Variants in DCC observed in about 807,000 individuals in gnomAD.
DCC encodes the protein netrin receptor DCC.
DCC carries 58 observed loss-of-function variants against 172.5 expected under a neutral mutation model. The ratio of observed to expected loss-of-function variants is 0.34; its 90% CI spans 0.27 to 0.42. The LOEUF (loss-of-function observed/expected upper bound fraction) is 0.42. Among genes scored for constraint, DCC ranks in the 10% least tolerant of loss-of-function variants. DCC has a pLI of 1.00. For synonymous variants in DCC, 709 were observed against 644.5 expected, an observed-to-expected ratio of 1.10 and a Z score of -1.52; for missense variants, 1,740 against 1,791.0, an observed-to-expected ratio of 0.97 and a Z score of 0.51.
chr18:53,306,959 A>C (rs2057207248), intron 13 of DCC, among the ~76,000 whole-genome samples: 1 of 152,230 alleles, frequency 6.6e-6, no homozygotes, highest in Non-Finnish European at 1.5e-5. Context: ...GCAAGTGAGA[A>C]AAAAGAAAGT....
At chr18:52,350,583 G>T (rs1984076905) in intron 1 of DCC, among the ~76,000 whole-genome samples, 1 of 152,124 alleles carries the variant, frequency 6.6e-6, no homozygotes, top group Non-Finnish European at 1.5e-5. Flanking sequence ...GCTGATGGAT[G>T]CAGCAAACCA....
chr18:53,190,780 A>C (rs574604174), intron 9 of DCC, among the ~76,000 whole-genome samples: 3 of 152,080 alleles, frequency 2.0e-5, no homozygotes, highest in Non-Finnish European at 2.9e-5. Context: ...CCCCTTCTCT[A>C]CTAAAAATAC....
intron 7 of DCC, among the ~76,000 whole-genome samples, chr18:53,154,623 G>A (rs1295971368): frequency 6.6e-6 from 1 of 152,170 alleles, no homozygotes; most frequent in Non-Finnish European, 1.5e-5. Flanking sequence ...GTGCAATGGT[G>A]TCAATGGAAG....
chr18:53,234,075 A>G (rs2056163170), intron 12 of DCC, among the ~76,000 whole-genome samples: 1 of 152,110 alleles, frequency 6.6e-6, no homozygotes, highest in Non-Finnish European at 1.5e-5. Context: ...ACATGGAGAA[A>G]CACCATCTCT....
chr18:53,031,940 A>G (rs1282516787), intron 5 of DCC, among the ~76,000 whole-genome samples: 1 of 152,130 alleles, frequency 6.6e-6, no homozygotes, highest in Non-Finnish European at 1.5e-5. Context: ...AAAAAGGGGC[A>G]TTTTGATGTT....
At chr18:53,324,720 AAAAT>A (rs951325713) in intron 14 of DCC, among the ~76,000 whole-genome samples, 1 of 152,178 alleles carries the variant, frequency 6.6e-6, no homozygotes, top group African/African-American at 2.4e-5. Context: ...CTTATGTAAA[AAAAT>A]AGAAGAGTGG....
chr18:52,446,032 C>T (rs1233944669), intron 1 of DCC, among the ~76,000 whole-genome samples: 2 of 152,114 alleles, frequency 1.3e-5, no homozygotes, highest in East Asian at 3.9e-4. Flanking sequence ...CCCGGGTTCA[C>T]GTCATTCTCC....
At chr18:52,660,946 G>A (rs1243186979) in intron 1 of DCC, among the ~76,000 whole-genome samples, 1 of 152,036 alleles carries the variant, frequency 6.6e-6, no homozygotes, top group Non-Finnish European at 1.5e-5. Flanking sequence ...GGGCTTCTGG[G>A]GAATGTCATG....
intron 2 of DCC, among the ~76,000 whole-genome samples, chr18:52,805,805 A>G (rs1193767939): frequency 6.6e-6 from 1 of 152,220 alleles, no homozygotes; most frequent in Non-Finnish European, 1.5e-5. Context: ...AAATCTGGGC[A>G]ACTTGAGGAT....
At chr18:52,976,584 G>T (rs766814781) in intron 5 of DCC, among the ~76,000 whole-genome samples, 1 of 152,122 alleles carries the variant, frequency 6.6e-6, no homozygotes, top group Non-Finnish European at 1.5e-5. Context: ...TTCCATCCAT[G>T]ACAACATTTA....
intron 1 of DCC, among the ~76,000 whole-genome samples, chr18:52,468,054 A>G (rs1337891153): frequency 6.6e-6 from 1 of 152,320 alleles, no homozygotes; most frequent in East Asian, 1.9e-4. Context: ...TTCACCATAA[A>G]TCAACTAAGT....
intron 25 of DCC, among the ~76,000 whole-genome samples, chr18:53,469,359 A>G (rs1439637955): frequency 6.6e-6 from 1 of 152,210 alleles, no homozygotes; most frequent in African/African-American, 2.4e-5. Flanking sequence ...GTCCAAGGTG[A>G]GCTCTCACTA....
intron 22 of DCC, among the ~76,000 whole-genome samples, chr18:53,442,254 G>C (rs1912322566): frequency 6.6e-6 from 1 of 152,154 alleles, no homozygotes; most frequent in African/African-American, 2.4e-5. Flanking sequence ...CCTGCATTGT[G>C]CAAGACTATT....
intron 5 of DCC, among the ~76,000 whole-genome samples, chr18:52,938,156 T>A (rs527834997): frequency 6.6e-6 from 1 of 152,288 alleles, no homozygotes; most frequent in Non-Finnish European, 1.5e-5. Context: ...GATGCTTGGC[T>A]GAGGTCAGTG....
At chr18:52,580,293 T>C (rs1377487740) in intron 1 of DCC, among the ~76,000 whole-genome samples, 1 of 152,236 alleles carries the variant, frequency 6.6e-6, no homozygotes, top group African/African-American at 2.4e-5. Context: ...AGAGTCTCAC[T>C]GTTGCCCAGG....
chr18:53,184,578 C>G (rs1009647730), intron 9 of DCC, among the ~76,000 whole-genome samples: 1 of 152,114 alleles, frequency 6.6e-6, no homozygotes, highest in Non-Finnish European at 1.5e-5. Context: ...GTACTGAATA[C>G]TGCAGGCAAT....
At chr18:52,907,943 C>G (rs140746564) in intron 3 of DCC, among the ~76,000 whole-genome samples, 1 of 152,160 alleles carries the variant, frequency 6.6e-6, no homozygotes, top group African/African-American at 2.4e-5. Flanking sequence ...TCTGGGAAAT[C>G]CCTAAGACAC....
chr18:52,651,536 T>C (rs1176096249), intron 1 of DCC, among the ~76,000 whole-genome samples: 2 of 152,056 alleles, frequency 1.3e-5, no homozygotes, highest in East Asian at 3.9e-4. Flanking sequence ...AATATTGCAT[T>C]ATTTTATTCT....
intron 5 of DCC, among the ~76,000 whole-genome samples, chr18:52,989,060 T>C (rs1310282790): frequency 6.6e-6 from 1 of 152,094 alleles, no homozygotes; most frequent in Non-Finnish European, 1.5e-5. Flanking sequence ...AATGTTGTGG[T>C]TTTAAATTCT....
Sources: allele counts gnomAD v4.1 joint callset (sites outside exome capture counted in the v4.1 genomes callset), GRCh38; gene constraint gnomAD v4.1.1; transcripts MANE v1.5; gene names NCBI Gene and HGNC (gene_info 2026-07-23, HGNC 2026-07-21).